Variants in DNMT3A observed in about 807,000 individuals in gnomAD.
DNMT3A encodes the protein DNA (cytosine-5)-methyltransferase 3A.
A neutral mutation model predicts 117.6 loss-of-function variants in DNMT3A; 267 were observed. The observed-to-expected ratio is 2.27, with a 90% CI of 2.05 to 2.51. DNMT3A has a LOEUF of 2.51. DNMT3A is among the 30% of genes most tolerant of loss of function. The pLI, the probability that DNMT3A is intolerant of heterozygous loss-of-function variation, is 0.00. For missense variants in DNMT3A, 1,029 were observed against 1,260.2 expected (o/e 0.82, Z 2.78); for synonymous variants, 432 against 474.8 (o/e 0.91, Z 1.17).
chr2:25,247,301 G>A lies in DNMT3A; in HGVS notation c.1015-143C>T, dbSNP rs1454989186. The A allele has an allele frequency of 7.0e-6, 6 of 861,100 alleles. No homozygotes were observed. The highest frequency in any genetic ancestry group is 5.3e-5 in the East Asian group (2 of 37,618). The allele number at this position is 861,100 out of a possible 1,614,324, so 53.3% of individuals were successfully genotyped here. On this transcript the variant is annotated intron_variant, in intron 8 of 22. Transcript: ENST00000321117. The surrounding 1 kb of genome is among the most constrained non-coding windows in gnomAD (Gnocchi z 5.6). Reference sequence around the variant, plus strand: ...CAGATACAGTGATAAATAATTACCCGATGCAAAGAGGAGTCCAGACCAAGA... The same window carrying A: ...CAGATACAGTGATAAATAATTACCCAATGCAAAGAGGAGTCCAGACCAAGA...
At chr2:25,325,741 T>C (rs1408258497) in intron 1 of DNMT3A, among the ~76,000 whole-genome samples, 2 of 152,190 alleles carry the variant, frequency 1.3e-5, no homozygotes, top group African/African-American at 2.4e-5. Flanking sequence ...TTGATCCTAG[T>C]TACCAAGGAG....
chr2:25,243,537 G>A (rs1261750815), intron 16 of DNMT3A, among the ~76,000 whole-genome samples: 1 of 152,178 alleles, frequency 6.6e-6, no homozygotes, highest in Non-Finnish European at 1.5e-5. Flanking sequence ...ACTATCTTGT[G>A]TATAATCAAA....
At position 25,234,359 on chromosome 2, in the gene DNMT3A, T is replaced by G. The variant is rs755252969; in HGVS notation, c.2659A>C (p.Arg887=). The change falls in exon 23 of 23, where the codon AGA becomes CGA. Residue 887 remains arginine (R), a synonymous_variant. Transcript: ENST00000321117. The surrounding 1 kb of genome is among the most constrained non-coding windows in gnomAD (Gnocchi z 4.5). ...VSNMSRLARQ[R]LLGRSWSVPV... ...ACGCTCCATGACCGGCCCAGCAGTCTCTGCCTCGCCAAGCGGCTCATGTTG... is the reference window on the plus strand; with the variant it reads ...ACGCTCCATGACCGGCCCAGCAGTCGCTGCCTCGCCAAGCGGCTCATGTTG... The G allele has an allele frequency of 3.7e-6, 6 of 1,614,032 alleles. No individual in the cohort carries two copies. The highest frequency in any genetic ancestry group is 1.7e-5 in the Admixed American group (1 of 60,002).
At chr2:25,308,968 TACACACACACACACAC>T (rs10628428) in intron 2 of DNMT3A, among the ~76,000 whole-genome samples, 2 of 144,046 alleles carry the variant, frequency 1.4e-5, no homozygotes, top group South Asian at 2.3e-4. Flanking sequence ...CACAGATGCA[TACACACACACACACAC>T]ACACACACAC....
At chr2:25,328,110 A>G (rs1573502901) in intron 1 of DNMT3A, among the ~76,000 whole-genome samples, 1 of 152,214 alleles carries the variant, frequency 6.6e-6, no homozygotes, top group Non-Finnish European at 1.5e-5. Flanking sequence ...ATGACACCTC[A>G]TGACAATTTT....
At chr2:25,320,921 C>G (rs144330177) in intron 1 of DNMT3A, among the ~76,000 whole-genome samples, 4 of 152,108 alleles carry the variant, frequency 2.6e-5, no homozygotes, top group African/African-American at 4.8e-5. Flanking sequence ...CACCTGAGGT[C>G]GGAAGTTCAA....
rs539832931 is a variant in DNMT3A at position 25,236,190 on chromosome 2, T to G, written c.2479-365A>C. Among the ~76,000 whole-genome samples, 2 of 152,236 alleles carry G rather than the reference T, an allele frequency of 1.3e-5. No individual in the cohort carries two copies. Among genetic ancestry groups the G allele is most frequent in the African/African-American group, 4.8e-5 (2 of 41,544 alleles). On this transcript the variant is annotated intron_variant, in intron 21 of 22. Coordinates refer to ENST00000321117, the MANE Select transcript of DNMT3A (RefSeq NM_022552.5). The surrounding 1 kb of genome is among the most constrained non-coding windows in gnomAD (Gnocchi z 4.5). The stretch of plus-strand genomic sequence containing the variant: ...AAGCGATTCTAATGCCTCAGACTCC[T>G]GAGTAGCTGGGACTACAGGCGCCCG...
rs1427972455 is a variant in DNMT3A at position 25,244,233 on chromosome 2, G to A, written c.1773C>T (p.Thr591=). 3 of 1,614,060 alleles carry A rather than the reference G, an allele frequency of 1.9e-6. No individual in the cohort carries two copies. The highest frequency in any genetic ancestry group is 4.5e-5 in the East Asian group (2 of 44,874). Residue 591 remains threonine, a synonymous_variant, in exon 15 of 23, where the codon ACC becomes ACT. Transcript: ENST00000321117. The stretch of plus-strand genomic sequence containing the variant: ...CCTCTCGCCGCCGCAGCAGCCCGTA[G>A]GTACCCTTGTGCCCGCACATGTAGC... The part of the protein sequence containing the change: ...WNCYMCGHKG[T]YGLLRRREDW...
At chr2:25,274,851 G>C in intron 6 of DNMT3A, 90 bp downstream of exon 6, 1 of 1,525,040 alleles carries the variant, frequency 6.6e-7, no homozygotes, top group Non-Finnish European at 8.8e-7. Context: ...TAAGTTCTAA[G>C]GGTTAGCCTG....
At position 25,252,304 on chromosome 2, in the gene DNMT3A, G is replaced by A; in HGVS notation, c.640-4052C>T. On this transcript the variant is annotated intron_variant, in intron 6 of 22. Coordinates refer to ENST00000321117, the MANE Select transcript of DNMT3A (RefSeq NM_022552.5). This position sits in a 1 kb window ranked among gnomAD's most constrained non-coding sequence, Gnocchi z 5.5. ...GGGAGGGGAAGGGGGCGATGGGGCT[G>A]GGGGCGGAGGGGGCCACTGGGAGGG... 3 of 804,830 alleles carry A rather than the reference G, an allele frequency of 3.7e-6. No homozygotes were observed. Among genetic ancestry groups the A allele is most frequent in the Non-Finnish European group, 5.5e-6 (3 of 545,898 alleles). 49.9% of individuals were successfully genotyped at this position (804,830 alleles called of 1,614,324 possible).
In DNMT3A at chr2:25,275,082, G is replaced by T; in HGVS notation, c.498C>A (p.Ser166=). The stretch of plus-strand genomic sequence containing the variant: ...CCAAGCCACCCCGCAGCCGGCCCCG[G>T]GAGCCCTAGGACAGAGAGACAGACA... ...TNIESMKMEG[S]RGRLRGGLGW... is the part of the protein sequence containing the mutation. Residue 166 remains serine, a synonymous_variant, in exon 6 of 23, where the codon TCC becomes TCA. Coordinates refer to ENST00000321117, the MANE Select transcript of DNMT3A (RefSeq NM_022552.5). 1 of 1,581,504 alleles carries T rather than the reference G, an allele frequency of 6.3e-7. No individual in the cohort carries two copies.
intron 2 of DNMT3A, among the ~76,000 whole-genome samples, chr2:25,307,923 C>T (rs952991295): frequency 6.6e-6 from 1 of 152,224 alleles, no homozygotes; most frequent in Non-Finnish European, 1.5e-5. Flanking sequence ...AAGGGATCTA[C>T]AGCCCCTGCC....
chr2:25,331,441 A>G (rs745313629), intron 1 of DNMT3A, among the ~76,000 whole-genome samples: 4 of 152,016 alleles, frequency 2.6e-5, no homozygotes, highest in African/African-American at 9.7e-5. Flanking sequence ...TGTCCCTCCT[A>G]TCTCTCTCCG....
chr2:25,276,613 C>T (rs1400326156), intron 4 of DNMT3A, among the ~76,000 whole-genome samples: 2 of 152,224 alleles, frequency 1.3e-5, no homozygotes, highest in Non-Finnish European at 2.9e-5. Context: ...CCACCCTTTC[C>T]AGGCACCCCT....
Position 25,327,731 on chromosome 2 carries a change from T to C in DNMT3A, c.-177-13570A>G, listed in dbSNP as rs1558744733. On this transcript the variant is annotated intron_variant, in intron 1 of 22. Transcript: ENST00000321117. This position sits in a 1 kb window ranked among gnomAD's most constrained non-coding sequence, Gnocchi z 4.1. ...GGGGCTCCAGCTCTATTTATTTTCA[T>C]CCCAACTGGATGACTTGCAGTCCCT... Among the ~76,000 whole-genome samples the C allele has an allele frequency of 6.6e-6, 1 of 152,206 alleles. No individual in the cohort carries two copies. Among genetic ancestry groups the C allele is most frequent in the Non-Finnish European group, 1.5e-5 (1 of 68,026 alleles).
At chr2:25,269,191 G>A (rs1441883924) in intron 6 of DNMT3A, among the ~76,000 whole-genome samples, 1 of 152,184 alleles carries the variant, frequency 6.6e-6, no homozygotes, top group Non-Finnish European at 1.5e-5. Flanking sequence ...GTGTGGTGGT[G>A]CGTGCCTGTA....
intron 4 of DNMT3A, among the ~76,000 whole-genome samples, chr2:25,279,288 T>TTAAAAA (rs2031702068): frequency 6.6e-6 from 1 of 152,208 alleles, no homozygotes; most frequent in Admixed American, 6.5e-5. Flanking sequence ...TTAAAAAGTC[T>TTAAAAA]GTTTTTGCTG....
In DNMT3A at chr2:25,339,208, A is replaced by G. The variant is rs935430799; in HGVS notation, c.-178+2618T>C. 3.9e-5 allele frequency among the ~76,000 whole-genome samples: 6 copies of G among 152,114 alleles called. No homozygotes were observed. Among genetic ancestry groups the G allele is most frequent in the Non-Finnish European group, 8.8e-5 (6 of 68,014 alleles). ...GGCCTGAAATTCCACCACTAGAATC[A>G]GAGCCATAGAATGTCAAAGCTGGAA... On this transcript the variant is annotated intron_variant, in intron 1 of 22. Transcript: ENST00000321117. This position sits in a 1 kb window ranked among gnomAD's most constrained non-coding sequence, Gnocchi z 4.9.
At chr2:25,245,455 T>A in intron 12 of DNMT3A, 123 bp from the exon 13 acceptor site, 1 of 828,770 alleles carries the variant, frequency 1.2e-6, no homozygotes, top group Non-Finnish European at 1.9e-6. Context: ...CAGAAAAGAG[T>A]CCAGGGTGCC....
Sources: allele counts gnomAD v4.1 joint callset (sites outside exome capture counted in the v4.1 genomes callset), GRCh38; gene constraint gnomAD v4.1.1; non-coding constraint Gnocchi (gnomAD v3.1); transcripts MANE v1.5; gene names NCBI Gene and HGNC (gene_info 2026-07-23, HGNC 2026-07-21).